Variants in ERMAP observed in about 807,000 individuals in gnomAD.
ERMAP encodes erythroid membrane-associated protein.
In ERMAP, 34 loss-of-function variants were observed where a neutral mutation model predicts 49.5. That is an observed-to-expected ratio of 0.69 (90% CI 0.52 to 0.91). ERMAP has a LOEUF of 0.91. ERMAP is among the 40% of genes least tolerant of loss of function. ERMAP has a pLI of 0.00. For synonymous variants in ERMAP, 214 were observed against 232.2 expected, an observed-to-expected ratio of 0.92 and a Z score of 0.71; for missense variants, 541 against 582.6, an observed-to-expected ratio of 0.93 and a Z score of 0.74.
intron 2 of ERMAP, 157 bp downstream of exon 2, chr1:42,825,895 G>A (rs545975849): frequency 1.1e-6 from 1 of 884,238 alleles, no homozygotes; most frequent in African/African-American, 1.8e-5. Context: ...AACACAAAAG[G>A]AGACAAGTGA....
Position 42,819,632 on chromosome 1 carries a change from A to G in ERMAP, c.-122+2379A>G, listed in dbSNP as rs1171092316. ...TTTTTCTAGAGTCAAAAAATTATCT[A>G]TTTTTATTTGCTTAATGATCTATGC... On this transcript the variant is annotated intron_variant, in intron 1 of 11. Coordinates refer to ENST00000372517, the MANE Select transcript of ERMAP (RefSeq NM_001017922.2). The surrounding 1 kb of genome is among the most constrained non-coding windows in gnomAD (Gnocchi z 5.1). Among the ~76,000 whole-genome samples, 1 of 152,064 alleles carries G rather than the reference A, an allele frequency of 6.6e-6. No individual in the cohort carries two copies. The highest frequency in any genetic ancestry group is 1.9e-4 in the East Asian group (1 of 5,190).
intron 2 of ERMAP, 45 bp downstream of exon 2, chr1:42,825,783 T>C: frequency 4.7e-6 from 6 of 1,288,658 alleles, no homozygotes; most frequent in Non-Finnish European, 6.1e-6. Flanking sequence ...CCTTTAACTT[T>C]CTCAGGATCC....
At chr1:42,837,313 A>G (rs981608982) in intron 7 of ERMAP, 123 bp downstream of exon 7, 6 of 1,051,370 alleles carry the variant, frequency 5.7e-6, no homozygotes, top group South Asian at 1.6e-5. Flanking sequence ...GCACACATAT[A>G]TCCTCCATTG....
At chr1:42,838,524 GCTAGGC>G (rs1049410419) in intron 7 of ERMAP, among the ~76,000 whole-genome samples, 1 of 152,312 alleles carries the variant, frequency 6.6e-6, no homozygotes, top group African/African-American at 2.4e-5. Context: ...ACAAGTTCAT[GCTAGGC>G]CTTTAGCTAG....
At chr1:42,836,441 G>A (rs1026815533) in intron 6 of ERMAP, among the ~76,000 whole-genome samples, 8 of 152,140 alleles carry the variant, frequency 5.3e-5, no homozygotes, top group Non-Finnish European at 1.0e-4. Context: ...TGGCAGGGGT[G>A]AGGCTGGGGA....
chr1:42,818,997 A>G (rs1270521337), intron 1 of ERMAP, among the ~76,000 whole-genome samples: 1 of 152,210 alleles, frequency 6.6e-6, no homozygotes, highest in Non-Finnish European at 1.5e-5. Flanking sequence ...ACAGCTGAAG[A>G]CACGGCAGGA....
chr1:42,838,629 C>T (rs2124351991), intron 7 of ERMAP, among the ~76,000 whole-genome samples: 1 of 152,242 alleles, frequency 6.6e-6, no homozygotes, highest in East Asian at 1.9e-4. Flanking sequence ...TATAGAAACA[C>T]TCATGCCGAC....
chr1:42,830,115 A>G (rs1654672227), intron 2 of ERMAP: 1 of 275,982 alleles, frequency 3.6e-6, no homozygotes, highest in Non-Finnish European at 7.0e-6. Context: ...CTGGATCCTC[A>G]CTCATCTCAT....
chr1:42,820,120 T>C lies in ERMAP; in HGVS notation c.-122+2867T>C, dbSNP rs370680860. ...TTTTCCCTCAGAAGTTTAACGGCAT[T>C]GATTCATTGTCATCTAGCTTCTCAT... is the stretch of plus-strand genomic sequence containing the variant. On this transcript the variant is annotated intron_variant, in intron 1 of 11. Transcript: ENST00000372517. Among the ~76,000 whole-genome samples, 6 of 152,176 alleles carry C rather than the reference T, an allele frequency of 3.9e-5. No homozygotes were observed. The East Asian group carries it at 1.2e-3, about 29-fold the overall frequency.
At chr1:42,833,339 T>C (rs1029669923) in intron 4 of ERMAP, among the ~76,000 whole-genome samples, 3 of 152,256 alleles carry the variant, frequency 2.0e-5, no homozygotes, top group African/African-American at 7.2e-5. Flanking sequence ...AGAGAACTGC[T>C]GCTAACATTT....
In ERMAP at chr1:42,844,272, G is replaced by A. The variant is rs1281106899; in HGVS notation, c.*1040G>A. ...ATGAAATAATGACCTTGATTTTTGG[G>A]TGTGTATTGCAGAAGCCTCGTCGCT... On this transcript the variant is annotated 3_prime_UTR_variant, in exon 12 of 12. Coordinates refer to ENST00000372517, the MANE Select transcript of ERMAP (RefSeq NM_001017922.2). This position sits in a 1 kb window ranked among gnomAD's most constrained non-coding sequence, Gnocchi z 4.0. The A allele has an allele frequency of 2.5e-6, 1 of 396,494 alleles. No homozygotes were observed. Among genetic ancestry groups the A allele is most frequent in the Non-Finnish European group, 4.4e-6 (1 of 225,308 alleles). The allele number at this position is 396,494 out of a possible 1,614,324, so 24.6% of individuals were successfully genotyped here. A position where few individuals can be genotyped will look rare whatever the true frequency, so the allele number is the denominator to read the frequency against.
chr1:42,838,699 C>G (rs576475397), intron 7 of ERMAP, among the ~76,000 whole-genome samples: 1 of 152,102 alleles, frequency 6.6e-6, no homozygotes, highest in African/African-American at 2.4e-5. Context: ...ACCAAAGTCC[C>G]GGGCAGGCTG....
Position 42,842,921 on chromosome 1 carries a change from A to C in ERMAP, c.1117A>C (p.Asn373His). Residue 373 changes from asparagine (N) to histidine (H), a missense_variant, in exon 12 of 12, where the codon AAT becomes CAT. Coordinates refer to ENST00000372517, the MANE Select transcript of ERMAP (RefSeq NM_001017922.2). The part of the protein sequence containing the change: ...DYEAGVISFY[N>H]VTNKSHIFTF... ...TGAAGCAGGAGTCATCTCTTTCTAC[A>C]ATGTGACCAACAAGTCCCACATCTT... 6.2e-7 allele frequency: 1 copy of C among 1,614,130 alleles called. No homozygotes were observed.
rs1206028041 is a variant in ERMAP at position 42,843,036 on chromosome 1, T to C, written c.1232T>C (p.Ile411Thr). The part of the protein sequence containing the change: ...DGGKNTAPLV[I>T]CSELHKSEES... Reference sequence around the variant, plus strand: ...GGAAAAAACACAGCACCTCTAGTCATTTGTTCAGAACTACACAAATCAGAG... The same window carrying C: ...GGAAAAAACACAGCACCTCTAGTCACTTGTTCAGAACTACACAAATCAGAG... Residue 411 changes from isoleucine (I) to threonine (T), a missense_variant, in exon 12 of 12, where the codon ATT becomes ACT. By Grantham distance (89) the Ile-to-Thr change is moderately conservative. Coordinates refer to ENST00000372517, the MANE Select transcript of ERMAP (RefSeq NM_001017922.2). 6.2e-7 allele frequency: 1 copy of C among 1,614,150 alleles called. No homozygotes were observed. Among genetic ancestry groups the C allele is most frequent in the Non-Finnish European group, 8.5e-7 (1 of 1,180,024 alleles).
chr1:42,827,015 A>AT (rs1449968177), intron 2 of ERMAP, among the ~76,000 whole-genome samples: 3 of 152,332 alleles, frequency 2.0e-5, no homozygotes, highest in African/African-American at 7.2e-5. Context: ...ATATAGAATT[A>AT]TTTTAAAGCT....
intron 1 of ERMAP, among the ~76,000 whole-genome samples, chr1:42,818,533 G>C (rs1654310998): frequency 6.6e-6 from 1 of 152,316 alleles, no homozygotes; most frequent in East Asian, 1.9e-4. Context: ...CTGGAGTGCA[G>C]TGGTGTGATC....
Position 42,817,184 on chromosome 1 carries a change from CTG to C in ERMAP, c.-189_-188del. On this transcript the variant is annotated 5_prime_UTR_variant, in exon 1 of 12. It removes the in-frame stop codon of an upstream open reading frame in the 5' UTR. Coordinates refer to ENST00000372517, the MANE Select transcript of ERMAP (RefSeq NM_001017922.2). ...GCCGCCGACCAAGAGGCTTGGGAGT[CTG>C]TACCTTTCCCGACCGGGCCACTGGA... The C allele has an allele frequency of 8.0e-7, 1 of 1,248,138 alleles. No homozygotes were observed. The highest frequency in any genetic ancestry group is 1.0e-6 in the Non-Finnish European group (1 of 970,026). 77.3% of individuals were successfully genotyped at this position (1,248,138 alleles called of 1,614,324 possible). A position where few individuals can be genotyped will look rare whatever the true frequency, so the allele number is the denominator to read the frequency against.
At position 42,830,780 on chromosome 1, in the gene ERMAP, A is replaced by G; in HGVS notation, c.98A>G (p.Asp33Gly). 1 of 1,546,270 alleles carries G rather than the reference A, an allele frequency of 6.5e-7. No homozygotes were observed. The highest frequency in any genetic ancestry group is 8.7e-7 in the Non-Finnish European group (1 of 1,145,318). ...TTTTTTTGTCCAGGCCACGCAGGGGATGCCGGCAAGTTCCACGTGGCCCTA... is the reference window on the plus strand; with the variant it reads ...TTTTTTTGTCCAGGCCACGCAGGGGGTGCCGGCAAGTTCCACGTGGCCCTA... ...LSVHVSGHAG[D>G]AGKFHVALLG... is the part of the protein sequence containing the mutation. The change falls in exon 4 of 12, where the codon GAT becomes GGT. Residue 33 changes from aspartate (D) to glycine (G), a missense_variant. Asp to Gly is a moderately conservative substitution (Grantham distance 94). Transcript: ENST00000372517.
At chr1:42,837,997 T>C (rs986487714) in intron 7 of ERMAP, 2 of 151,940 alleles carry the variant, frequency 1.3e-5, no homozygotes, top group African/African-American at 4.8e-5. Context: ...AACTCAGGAG[T>C]CAGACAGACT....
Sources: allele counts gnomAD v4.1 joint callset (sites outside exome capture counted in the v4.1 genomes callset), GRCh38; gene constraint gnomAD v4.1.1; non-coding constraint Gnocchi (gnomAD v3.1); transcripts MANE v1.5; gene names NCBI Gene and HGNC (gene_info 2026-07-23, HGNC 2026-07-21).